TERB1: variants seen among roughly 807,000 people sequenced by gnomAD.
The protein encoded by TERB1 is telomere repeat binding bouquet formation protein 1, also known as telomere repeats-binding bouquet formation protein 1.
Under a neutral mutation model 92.3 loss-of-function variants are expected in TERB1, and 63 were observed. The ratio of observed to expected loss-of-function variants is 0.68; its 90% CI spans 0.56 to 0.84. The LOEUF (loss-of-function observed/expected upper bound fraction) is 0.84, where lower values mean the gene tolerates loss of function less well. Ranked by LOEUF, TERB1 falls within the 40% of genes least tolerant of loss-of-function variation. The probability of loss-of-function intolerance (pLI) is 0.00; values close to 1 mark genes in which losing one functional copy is unlikely to be tolerated. For missense variants in TERB1, 709 were observed against 843.7 expected, an observed-to-expected ratio of 0.84 and a Z score of 1.98; for synonymous variants, 252 against 283.9, an observed-to-expected ratio of 0.89 and a Z score of 1.13.
At chr16:66,769,092 C>A (rs898360046) in intron 14 of TERB1, among the ~76,000 whole-genome samples, 1 of 145,914 alleles carries the variant, frequency 6.9e-6, no homozygotes, top group Non-Finnish European at 1.5e-5. Flanking sequence ...GCAACAAGAG[C>A]GAAACTTTCT....
intron 16 of TERB1, among the ~76,000 whole-genome samples, chr16:66,763,121 C>A (rs540996818): frequency 1.3e-5 from 2 of 151,466 alleles, no homozygotes; most frequent in Non-Finnish European, 2.9e-5. Context: ...AATCATGATC[C>A]AAATAAGGTT....
At chr16:66,799,380 A>G (rs541309965) in intron 2 of TERB1, among the ~76,000 whole-genome samples, 2 of 151,982 alleles carry the variant, frequency 1.3e-5, no homozygotes, top group East Asian at 3.9e-4. Context: ...GGCACGCACC[A>G]CCATGCCTGG....
At chr16:66,768,246 T>C (rs1207366283) in intron 14 of TERB1, 78 bp from the exon 15 acceptor site, 1 of 1,204,598 alleles carries the variant, frequency 8.3e-7, no homozygotes, top group African/African-American at 1.5e-5. Flanking sequence ...GTAAGCAGTG[T>C]TGTGATTTTC....
In TERB1 at chr16:66,755,093, C is replaced by A; in HGVS notation, c.2067G>T (p.Met689Ile). Reference sequence around the variant, plus strand: ...ACAAAATTGAATTCCAGTGATTTCCCATTTTCTTAACTCCATTGAAAAGGT... The same window carrying A: ...ACAAAATTGAATTCCAGTGATTTCCAATTTTCTTAACTCCATTGAAAAGGT... ...VNYLFNGVKK[M>I]GNHWNSILWS... is the part of the protein sequence containing the mutation. Residue 689 changes from methionine to isoleucine, a missense_variant, in exon 19 of 19, where the codon ATG (methionine) becomes ATT (isoleucine). Met to Ile is a conservative substitution (Grantham distance 10). Coordinates refer to ENST00000433154, the MANE Select transcript of TERB1 (RefSeq NM_001136505.2). 1.3e-6 allele frequency: 2 copies of A among 1,551,296 alleles called. No homozygotes were observed. Among genetic ancestry groups the A allele is most frequent in the Non-Finnish European group, 1.7e-6 (2 of 1,146,644 alleles).
At chr16:66,769,023 T>G (rs2018397653) in intron 14 of TERB1, among the ~76,000 whole-genome samples, 1 of 151,492 alleles carries the variant, frequency 6.6e-6, no homozygotes, top group African/African-American at 2.4e-5. Context: ...GAGAATCACT[T>G]GAACCCGGGA....
At chr16:66,787,639 T>A (rs2145211276) in intron 6 of TERB1, among the ~76,000 whole-genome samples, 1 of 152,320 alleles carries the variant, frequency 6.6e-6, no homozygotes, top group South Asian at 2.1e-4. Context: ...GAAAATCAAA[T>A]AAACTAATTC....
At chr16:66,770,740 G>A (rs577224277) in intron 13 of TERB1, among the ~76,000 whole-genome samples, 7 of 151,952 alleles carry the variant, frequency 4.6e-5, no homozygotes, top group African/African-American at 9.7e-5. Flanking sequence ...GACCAAAAAC[G>A]TTATTCTGGG....
At position 66,755,057 on chromosome 16, in the gene TERB1, G is replaced by C. The variant is rs2018114261; in HGVS notation, c.2103C>G (p.Pro701=). The change falls in exon 19 of 19, where the codon CCC becomes CCG. Residue 701 remains proline, a synonymous_variant. Coordinates refer to ENST00000433154, the MANE Select transcript of TERB1 (RefSeq NM_001136505.2). ...CCACAGCCTTCCGTCCTTGCTGAAA[G>C]GGGAAAGACCACAAAATTGAATTCC... is the stretch of plus-strand genomic sequence containing the variant. ...NHWNSILWSF[P]FQQGRKAVDL... 2 of 1,551,668 alleles carry C rather than the reference G, an allele frequency of 1.3e-6. No individual in the cohort carries two copies. Among genetic ancestry groups the C allele is most frequent in the Admixed American group, 3.9e-5 (2 of 51,002 alleles).
intron 2 of TERB1, among the ~76,000 whole-genome samples, chr16:66,800,540 A>G (rs1959247077): frequency 1.9e-5 from 2 of 106,460 alleles, no homozygotes; most frequent in Admixed American, 9.5e-5. Flanking sequence ...ACAGGCGCCC[A>G]CCACACCAAG....
At chr16:66,797,444 C>A (rs1302104715) in intron 2 of TERB1, among the ~76,000 whole-genome samples, 8 of 151,726 alleles carry the variant, frequency 5.3e-5, no homozygotes, top group Non-Finnish European at 1.2e-4. Flanking sequence ...GCCATATTGC[C>A]CAGGCTGGTC....
chr16:66,797,639 A>T (rs1324110008), intron 2 of TERB1, among the ~76,000 whole-genome samples: 1 of 150,826 alleles, frequency 6.6e-6, no homozygotes, highest in Non-Finnish European at 1.5e-5. Flanking sequence ...ACACACACAC[A>T]CACACACACA....
In TERB1 at chr16:66,790,582, T is replaced by C. The variant is rs2046742027; in HGVS notation, c.271+13A>G. The C allele has an allele frequency of 6.6e-7, 1 of 1,517,170 alleles. No homozygotes were observed. The highest frequency in any genetic ancestry group is 8.9e-7 in the Non-Finnish European group (1 of 1,120,990). The allele number at this position is 1,517,170 out of a possible 1,614,324, so 94.0% of individuals were successfully genotyped here. A position where few individuals can be genotyped will look rare whatever the true frequency, so the allele number is the denominator to read the frequency against. ...ATGCTTAAAGTATAATGAAATAAAG[T>C]TTTATATTTTACCATTTTTCTCTGC... On this transcript the variant is annotated intron_variant, in intron 5 of 18. Coordinates refer to ENST00000433154, the MANE Select transcript of TERB1 (RefSeq NM_001136505.2).
intron 9 of TERB1, among the ~76,000 whole-genome samples, chr16:66,781,986 A>AC (rs2018645707): frequency 6.6e-6 from 1 of 151,994 alleles, no homozygotes; most frequent in Non-Finnish European, 1.5e-5. Flanking sequence ...ACCTTTGCCT[A>AC]CCCCCAAGGT....
chr16:66,796,887 T>A, intron 2 of TERB1, 57 bp from the exon 3 acceptor site: 1 of 905,594 alleles, frequency 1.1e-6, no homozygotes, highest in Non-Finnish European at 1.7e-6. Flanking sequence ...GGCAAAGATA[T>A]AAGTACAAAT....
chr16:66,784,431 A>G (rs532732935), intron 9 of TERB1, among the ~76,000 whole-genome samples: 1 of 151,716 alleles, frequency 6.6e-6, no homozygotes, highest in Non-Finnish European at 1.5e-5. Context: ...TCCCAGGTTC[A>G]AGTGATTCTC....
At chr16:66,800,398 T>TTTG (rs1959241215) in intron 2 of TERB1, among the ~76,000 whole-genome samples, 1 of 146,296 alleles carries the variant, frequency 6.8e-6, no homozygotes, top group Non-Finnish European at 1.5e-5. Flanking sequence ...GAAAGTTTTT[T>TTTG]TTTTTTTTTT....
chr16:66,801,989 T>A (rs1959341147), upstream of TERB1, among the ~76,000 whole-genome samples: 1 of 152,158 alleles, frequency 6.6e-6, no homozygotes, highest in African/African-American at 2.4e-5. Flanking sequence ...CAGCCAGGCC[T>A]CCACCTCACC....
intron 3 of TERB1, 113 bp downstream of exon 3, chr16:66,796,655 A>C: frequency 1.3e-6 from 1 of 772,448 alleles, no homozygotes; most frequent in East Asian, 2.7e-5. Flanking sequence ...AGTGCTCAAT[A>C]GTTATGTAAA....
At chr16:66,784,352 G>A (rs2018685682) in intron 9 of TERB1, among the ~76,000 whole-genome samples, 1 of 150,812 alleles carries the variant, frequency 6.6e-6, no homozygotes, top group South Asian at 2.1e-4. Flanking sequence ...TTTTTTTTGA[G>A]ACAGAATCTG....
Sources: allele counts gnomAD v4.1 joint callset (sites outside exome capture counted in the v4.1 genomes callset), GRCh38; gene constraint gnomAD v4.1.1; transcripts MANE v1.5; gene names NCBI Gene and HGNC (gene_info 2026-07-23, HGNC 2026-07-21).